XRN1: variants seen among roughly 807,000 people sequenced by gnomAD.
XRN1 encodes the protein 5'-3' exoribonuclease 1, also known as strand-exchange protein 1 homolog.
Under a neutral mutation model 222.3 loss-of-function variants are expected in XRN1, and 67 were observed. That is an observed-to-expected ratio of 0.30 (90% CI 0.25 to 0.37). The LOEUF is 0.37. Ranked by LOEUF, XRN1 falls within the 10% of genes least tolerant of loss-of-function variation. The pLI, the probability that XRN1 is intolerant of heterozygous loss-of-function variation, is 1.00. For missense variants in XRN1, 1,707 were observed against 2,000.2 expected, an observed-to-expected ratio of 0.85 and a Z score of 2.80; for synonymous variants, 643 against 652.4, an observed-to-expected ratio of 0.99 and a Z score of 0.22.
intron 22 of XRN1, among the ~76,000 whole-genome samples, chr3:142,382,094 A>C (rs2067323796): frequency 6.6e-6 from 1 of 152,212 alleles, no homozygotes; most frequent in East Asian, 1.9e-4. Context: ...ATGCGATGCT[A>C]ACTTTGATTA....
rs180677990 is a variant in XRN1, at chr3:142,408,841, A to C, written c.1713+3703T>G. Among the ~76,000 whole-genome samples, 425 of 152,310 alleles carry C rather than the reference A, an allele frequency of 2.8e-3. 6 individuals are homozygous for C. Among genetic ancestry groups the C allele is most frequent in the African/African-American group, 9.7e-3 (405 of 41,570 alleles). The stretch of plus-strand genomic sequence containing the variant: ...AGTGTATAAAAATTCCAATTGCTCC[A>C]CATTCTTGCCAATATTGGGTATTGC... On this transcript the variant is annotated intron_variant, in intron 15 of 40. Transcript: ENST00000392981.
Position 142,380,102 on chromosome 3 carries a change from C to A in XRN1, c.2695G>T (p.Ala899Ser), listed in dbSNP as rs776946070. 2 of 1,613,808 alleles carry A rather than the reference C, an allele frequency of 1.2e-6. No homozygotes were observed. Among genetic ancestry groups the A allele is most frequent in the South Asian group, 1.1e-5 (1 of 91,062 alleles). Residue 899 changes from alanine (A) to serine (S), a missense_variant, in exon 23 of 41, where the codon GCT becomes TCT. Ala to Ser is a moderately conservative substitution (Grantham distance 99). Around this residue, in one of 2 missense-constraint regions of XRN1, gnomAD observed 1,234 missense variants for 1,518.2 expected, o/e 0.81. Transcript: ENST00000392981. Reference sequence around the variant, plus strand: ...CTCACATGCTGGTTCTGTATTAAAGCATCAAGATTGGGTTCACATGGAATG... The same window carrying A: ...CTCACATGCTGGTTCTGTATTAAAGAATCAAGATTGGGTTCACATGGAATG... Reference protein sequence around the residue: ...FSIPCEPNLDALIQNQHKYSI... With the variant: ...FSIPCEPNLDSLIQNQHKYSI...
chr3:142,434,382 T>C (rs2108174594), intron 1 of XRN1, among the ~76,000 whole-genome samples: 1 of 152,184 alleles, frequency 6.6e-6, no homozygotes, highest in East Asian at 1.9e-4. Context: ...GTTGCCCAGG[T>C]TGGTCTTGAA....
At chr3:142,344,987 T>C (rs1031233885) in intron 33 of XRN1, among the ~76,000 whole-genome samples, 3 of 152,206 alleles carry the variant, frequency 2.0e-5, no homozygotes, top group African/African-American at 7.2e-5. Context: ...ACTTCCTGAT[T>C]TCAAAACTTA....
chr3:142,417,043 A>G (rs955791608), intron 13 of XRN1, 97 bp downstream of exon 13: 22 of 825,360 alleles, frequency 2.7e-5, no homozygotes, highest in African/African-American at 9.0e-5. Context: ...AAAAATTACC[A>G]TAAGTAGAAA....
intron 33 of XRN1, 70 bp downstream of exon 33, chr3:142,347,164 T>A: frequency 9.3e-7 from 1 of 1,072,464 alleles, no homozygotes; most frequent in East Asian, 2.5e-5. Context: ...GTAAATTATA[T>A]CAATAAAATG....
chr3:142,355,698 T>C (rs977567401), intron 31 of XRN1, among the ~76,000 whole-genome samples: 1 of 152,112 alleles, frequency 6.6e-6, no homozygotes, highest in Admixed American at 6.5e-5. Context: ...CATAGGTGAT[T>C]GTAACCTCGA....
chr3:142,408,216 C>A (rs906906206), intron 15 of XRN1, among the ~76,000 whole-genome samples: 1 of 152,190 alleles, frequency 6.6e-6, no homozygotes, highest in Non-Finnish European at 1.5e-5. Flanking sequence ...ATCTTCACAC[C>A]AGACTAAAGA....
At chr3:142,371,371 T>A in intron 25 of XRN1, 43 bp from the exon 26 acceptor site, 1 of 1,406,070 alleles carries the variant, frequency 7.1e-7, no homozygotes, top group Non-Finnish European at 9.8e-7. Flanking sequence ...TATATATGGT[T>A]AATTTCGGAT....
At position 142,311,739 on chromosome 3, in the gene XRN1, A is replaced by T. The variant is rs770608253; in HGVS notation, c.4857T>A (p.Val1619=). Residue 1619 remains valine, a synonymous_variant, in exon 41 of 41, where the codon GTT becomes GTA. Transcript: ENST00000392981. Reference sequence around the variant, plus strand: ...TGGAAGAATCTGGCTGGCTAGTCTGAACTGGAGTGGCTTGAGAACTCTGGG... The same window carrying T: ...TGGAAGAATCTGGCTGGCTAGTCTGTACTGGAGTGGCTTGAGAACTCTGGG... The part of the protein sequence containing the change: ...KEAQSSQATP[V]QTSQPDSSNI... 1.9e-6 allele frequency: 3 copies of T among 1,614,108 alleles called. No individual in the cohort carries two copies. Among genetic ancestry groups the T allele is most frequent in the East Asian group, 4.5e-5 (2 of 44,874 alleles).
intron 23 of XRN1, among the ~76,000 whole-genome samples, chr3:142,378,381 G>T (rs1577325396): frequency 6.6e-6 from 1 of 152,144 alleles, no homozygotes. Context: ...GTTATGAAAG[G>T]TTTAACAGAA....
In XRN1 at chr3:142,403,893, A is replaced by G; in HGVS notation, c.1980T>C (p.Pro660=). Residue 660 remains proline (P), a synonymous_variant, in exon 17 of 41, where the codon CCT becomes CCC. Transcript: ENST00000392981. ...CTTTGTGTCTGATGTGTTTCAGAGTAGGAAATCCACAGAAATATAATGCTT... is the reference window on the plus strand; with the variant it reads ...CTTTGTGTCTGATGTGTTTCAGAGTGGGAAATCCACAGAAATATAATGCTT... ...DQKALYFCGF[P]TLKHIRHKFF... 6.2e-7 allele frequency: 1 copy of G among 1,613,326 alleles called. No individual in the cohort carries two copies. Among genetic ancestry groups the G allele is most frequent in the Admixed American group, 1.7e-5 (1 of 60,008 alleles).
At position 142,412,755 on chromosome 3, in the gene XRN1, T is replaced by C. The variant is rs2068635159; in HGVS notation, c.1594-92A>G. 5.4e-6 allele frequency: 6 copies of C among 1,107,552 alleles called. No homozygotes were observed. The East Asian group carries it at 1.7e-4, about 32-fold the overall frequency. 68.6% of individuals were successfully genotyped at this position (1,107,552 alleles called of 1,614,324 possible). On this transcript the variant is annotated intron_variant, in intron 14 of 40. Transcript: ENST00000392981. The stretch of plus-strand genomic sequence containing the variant: ...TATTTATAATATTTCCTCATGTTAG[T>C]TTAAAATTTCTAAGCAAAGCAAACT...
intron 2 of XRN1, among the ~76,000 whole-genome samples, chr3:142,430,518 G>A (rs1184338665): frequency 2.0e-5 from 3 of 152,160 alleles, no homozygotes; most frequent in Non-Finnish European, 4.4e-5. Context: ...CTCAGAGATG[G>A]CCCTTGCCTT....
At chr3:142,445,472 G>A (rs1384101719) in intron 1 of XRN1, among the ~76,000 whole-genome samples, 1 of 152,004 alleles carries the variant, frequency 6.6e-6, no homozygotes, top group Non-Finnish European at 1.5e-5. Context: ...ATTTTTATGT[G>A]AATTTAATTT....
chr3:142,419,108 T>C (rs1273089244), intron 10 of XRN1, among the ~76,000 whole-genome samples: 1 of 152,188 alleles, frequency 6.6e-6, no homozygotes, highest in Admixed American at 6.5e-5. Context: ...CCTACTCCCT[T>C]ATCCCCATTT....
intron 33 of XRN1, among the ~76,000 whole-genome samples, chr3:142,343,450 G>A (rs1035160457): frequency 7.5e-5 from 11 of 147,626 alleles, no homozygotes; most frequent in South Asian, 2.1e-4. Flanking sequence ...GCGAAATTCC[G>A]TCTTAAAAAA....
intron 5 of XRN1, 49 bp downstream of exon 5, chr3:142,425,169 TTAGA>T: frequency 3.2e-6 from 4 of 1,263,962 alleles, no homozygotes; most frequent in Non-Finnish European, 4.2e-6. Context: ...ATGAAATCTC[TTAGA>T]TATTTAACTA....
At chr3:142,327,542 A>C (rs1423886526) in intron 37 of XRN1, among the ~76,000 whole-genome samples, 1 of 151,642 alleles carries the variant, frequency 6.6e-6, no homozygotes, top group Non-Finnish European at 1.5e-5. Context: ...AAAAAAAAAA[A>C]CAACTTTTTC....
Sources: allele counts gnomAD v4.1 joint callset (sites outside exome capture counted in the v4.1 genomes callset), GRCh38; gene constraint gnomAD v4.1.1; regional missense constraint gnomAD v4.1.1; transcripts MANE v1.5; gene names NCBI Gene and HGNC (gene_info 2026-07-23, HGNC 2026-07-21).